The following PIK3C2A variants were observed in gnomAD, a reference collection of about 807,000 sequenced individuals.
PIK3C2A encodes the protein phosphatidylinositol-4-phosphate 3-kinase catalytic subunit type 2 alpha.
In PIK3C2A, 97 loss-of-function variants were observed where a neutral mutation model predicts 204.5. That is an observed-to-expected ratio of 0.47 (90% CI 0.40 to 0.56). The LOEUF (loss-of-function observed/expected upper bound fraction) is 0.56, where lower values mean the gene tolerates loss of function less well. Among genes scored for constraint, PIK3C2A ranks in the 20% least tolerant of loss-of-function variants. The probability of loss-of-function intolerance (pLI) is 0.00; values close to 1 mark genes in which losing one functional copy is unlikely to be tolerated. For synonymous variants in PIK3C2A, 653 were observed against 664.4 expected, an observed-to-expected ratio of 0.98 and a Z score of 0.26; for missense variants, 1,735 against 1,969.2, an observed-to-expected ratio of 0.88 and a Z score of 2.25.
Position 17,119,326 on chromosome 11 carries a change from C to A in PIK3C2A, c.2847-13G>T, listed in dbSNP as rs1371098083. 6.7e-7 allele frequency: 1 copy of A among 1,492,602 alleles called. No individual in the cohort carries two copies. The highest frequency in any genetic ancestry group is 2.3e-5 in the East Asian group (1 of 44,060). The allele number at this position is 1,492,602 out of a possible 1,614,324, so 92.5% of individuals were successfully genotyped here. A position where few individuals can be genotyped will look rare whatever the true frequency, so the allele number is the denominator to read the frequency against. Reference sequence around the variant, plus strand: ...CTGATCAGCAAATCTAGAAGATTACCATAAAACCAAGATTGGACAGTGATT... The same window carrying A: ...CTGATCAGCAAATCTAGAAGATTACAATAAAACCAAGATTGGACAGTGATT... On this transcript the variant is annotated splice_polypyrimidine_tract_variant and intron_variant, in intron 16 of 32. Coordinates refer to ENST00000691414, the MANE Select transcript of PIK3C2A (RefSeq NM_002645.4).
chr11:17,123,137 G>C (rs778809551), intron 13 of PIK3C2A, among the ~76,000 whole-genome samples: 1 of 152,198 alleles, frequency 6.6e-6, no homozygotes, highest in Non-Finnish European at 1.5e-5. Context: ...AATAGTCTTT[G>C]AAGATTTTCT....
intron 2 of PIK3C2A, among the ~76,000 whole-genome samples, chr11:17,159,680 G>T (rs1850712885): frequency 6.6e-6 from 1 of 152,136 alleles, no homozygotes; most frequent in Non-Finnish European, 1.5e-5. Flanking sequence ...GAAGCTAAAG[G>T]AGACATAAGG....
intron 8 of PIK3C2A, among the ~76,000 whole-genome samples, chr11:17,137,676 T>A (rs537120813): frequency 6.6e-6 from 1 of 152,296 alleles, no homozygotes; most frequent in Admixed American, 6.5e-5. Flanking sequence ...CCCAAAGTGC[T>A]GGGATGACAG....
At chr11:17,134,771 G>T in intron 11 of PIK3C2A, 48 bp downstream of exon 11, 1 of 1,397,910 alleles carries the variant, frequency 7.2e-7, no homozygotes, top group Non-Finnish European at 1.0e-6. Flanking sequence ...AAAGCCTTGG[G>T]ATTACAGGTG....
intron 5 of PIK3C2A, 154 bp downstream of exon 5, chr11:17,148,513 A>G: frequency 1.5e-6 from 1 of 656,086 alleles, no homozygotes; most frequent in Non-Finnish European, 2.5e-6. Context: ...CATCTTAGAC[A>G]TTATATATTT....
intron 13 of PIK3C2A, among the ~76,000 whole-genome samples, chr11:17,128,206 T>C (rs1328586772): frequency 1.3e-5 from 2 of 150,646 alleles, no homozygotes; most frequent in Middle Eastern, 6.8e-3. Context: ...GCTTCTTGAC[T>C]ACAAAGCTTT....
At chr11:17,106,488 G>A (rs984048627) in intron 22 of PIK3C2A, among the ~76,000 whole-genome samples, 4 of 152,178 alleles carry the variant, frequency 2.6e-5, no homozygotes, top group Non-Finnish European at 5.9e-5. Context: ...TATCTAACAT[G>A]TAAACATCAA....
chr11:17,131,419 A>AT (rs68020564), intron 12 of PIK3C2A, among the ~76,000 whole-genome samples: 1,144 of 79,450 alleles, frequency 0.014, 19 homozygotes, highest in African/African-American at 0.045. Context: ...AGGGTATTTC[A>AT]TTTTTTTTTT....
rs760280400 is a variant in PIK3C2A, at chr11:17,148,640, T to C, written c.1448+27A>G. Reference sequence around the variant, plus strand: ...CCATTAAAAATGAAATTTCCAAGGATGTTGCTCAGTAGTTAAATAAACTTA... The same window carrying C: ...CCATTAAAAATGAAATTTCCAAGGACGTTGCTCAGTAGTTAAATAAACTTA... On this transcript the variant is annotated intron_variant, in intron 5 of 32. Coordinates refer to ENST00000691414, the MANE Select transcript of PIK3C2A (RefSeq NM_002645.4). The C allele has an allele frequency of 5.0e-6, 8 of 1,604,422 alleles. No homozygotes were observed. The African/African-American group carries it at 8.0e-5, about 16-fold the overall frequency.
At chr11:17,145,818 A>G (rs528811907) in intron 7 of PIK3C2A, 45 bp downstream of exon 7, 43 of 1,585,508 alleles carry the variant, frequency 2.7e-5, no homozygotes, top group Non-Finnish European at 3.6e-5. Context: ...TTTGCATCCA[A>G]AAACAAAGTC....
intron 1 of PIK3C2A, among the ~76,000 whole-genome samples, chr11:17,203,164 C>T (rs1852446909): frequency 6.6e-6 from 1 of 152,014 alleles, no homozygotes; most frequent in Non-Finnish European, 1.5e-5. Flanking sequence ...TGTCCATATG[C>T]ACTCTCATTG....
At position 17,194,865 on chromosome 11, in the gene PIK3C2A, C is replaced by T. The variant is rs182617525; in HGVS notation, c.-66+12983G>A. 4.9e-4 allele frequency among the ~76,000 whole-genome samples: 73 copies of T among 148,850 alleles called. No homozygotes were observed. In the East Asian group the frequency reaches 0.011, roughly 22 times the overall value. On this transcript the variant is annotated intron_variant, in intron 1 of 32. Transcript: ENST00000691414. ...CAGAGGATGCAGTGAGCCGAGACTGCGACATTGCACTCCAGCCTGGGCAAC... is the reference window on the plus strand; with the variant it reads ...CAGAGGATGCAGTGAGCCGAGACTGTGACATTGCACTCCAGCCTGGGCAAC...
At chr11:17,189,342 C>T (rs1485140353) in intron 1 of PIK3C2A, among the ~76,000 whole-genome samples, 1 of 146,758 alleles carries the variant, frequency 6.8e-6, no homozygotes, top group Non-Finnish European at 1.5e-5. Context: ...ATGCCAGGTA[C>T]GGCAGCTCAC....
intron 1 of PIK3C2A, among the ~76,000 whole-genome samples, chr11:17,197,162 A>G (rs1852191007): frequency 6.6e-6 from 1 of 152,038 alleles, no homozygotes; most frequent in South Asian, 2.1e-4. Flanking sequence ...CTGGGATTAT[A>G]GGCGAGCACC....
chr11:17,180,648 C>A (rs960022949), intron 1 of PIK3C2A, among the ~76,000 whole-genome samples: 3 of 152,062 alleles, frequency 2.0e-5, no homozygotes, highest in Non-Finnish European at 2.9e-5. Flanking sequence ...ATGGAGAAAC[C>A]CCATCTGTAC....
chr11:17,111,721 A>T (rs1345741454), intron 21 of PIK3C2A, among the ~76,000 whole-genome samples: 1 of 151,408 alleles, frequency 6.6e-6, no homozygotes, highest in East Asian at 2.0e-4. Context: ...TACTAAAAAT[A>T]AAAAAATTAG....
Position 17,094,347 on chromosome 11 carries a change from T to A in PIK3C2A, c.4365A>T (p.Glu1455Asp). ...VVRILREGQI[E>D]PSFVFRTFDE... ...CAAATGTTCGGAAGACAAATGATGGTTCAATCTGTCCTTCCCTCAAAATTC... is the reference window on the plus strand; with the variant it reads ...CAAATGTTCGGAAGACAAATGATGGATCAATCTGTCCTTCCCTCAAAATTC... Residue 1455 changes from glutamate (E) to aspartate (D), a missense_variant, in exon 28 of 33, where the codon GAA becomes GAT. Transcript: ENST00000691414. The A allele has an allele frequency of 6.2e-7, 1 of 1,609,282 alleles. No homozygotes were observed. The highest frequency in any genetic ancestry group is 8.5e-7 in the Non-Finnish European group (1 of 1,175,580).
At chr11:17,205,551 A>C (rs1347813741) in intron 1 of PIK3C2A, among the ~76,000 whole-genome samples, 1 of 151,912 alleles carries the variant, frequency 6.6e-6, no homozygotes, top group Admixed American at 6.6e-5. Flanking sequence ...GCTTTGCACT[A>C]CTGCTGCTCT....
chr11:17,120,389 T>C (rs1469460861), intron 15 of PIK3C2A, among the ~76,000 whole-genome samples: 1 of 152,116 alleles, frequency 6.6e-6, no homozygotes, highest in Non-Finnish European at 1.5e-5. Context: ...AACATATTTA[T>C]ACAGTTCAAA....
Sources: allele counts gnomAD v4.1 joint callset (sites outside exome capture counted in the v4.1 genomes callset), GRCh38; gene constraint gnomAD v4.1.1; transcripts MANE v1.5; gene names NCBI Gene and HGNC (gene_info 2026-07-23, HGNC 2026-07-21).